The following EARS2 variants were observed in gnomAD, a reference collection of about 807,000 sequenced individuals.
The protein encoded by EARS2 is glutamyl-tRNA synthetase 2, mitochondrial.
EARS2 carries 50 observed loss-of-function variants against 54.1 expected under a neutral mutation model. The observed-to-expected ratio is 0.92, with a 90% confidence interval of 0.74 to 1.17. The LOEUF (loss-of-function observed/expected upper bound fraction) is 1.17, where lower values mean the gene tolerates loss of function less well. Ranked by LOEUF, EARS2 falls within the 50% of genes most tolerant of loss-of-function variation. The pLI is 0.00. For synonymous variants in EARS2, 298 were observed against 281.0 expected, an observed-to-expected ratio of 1.06 and a Z score of -0.61; for missense variants, 673 against 675.0, an observed-to-expected ratio of 1.00 and a Z score of 0.03.
chr16:23,547,820 G>A (rs1965628952), intron 2 of EARS2, among the ~76,000 whole-genome samples: 1 of 152,092 alleles, frequency 6.6e-6, no homozygotes, highest in Non-Finnish European at 1.5e-5. Flanking sequence ...TAAAAGGCTG[G>A]GCATGCTGGG....
rs113081837 is a variant in EARS2, at chr16:23,551,868, C to A, written c.295+281G>T. ...CCGGAAGGCGGAGCTTGCAGTGAGC[C>A]GAGATCGCACCACTGCACTCCAGCC... On this transcript the variant is annotated intron_variant, in intron 2 of 8. Transcript: ENST00000449606. Among the ~76,000 whole-genome samples the A allele has an allele frequency of 0.015, 2,234 of 152,174 alleles. 23 individuals carry two copies. Among genetic ancestry groups the A allele is most frequent in the South Asian group, 0.02 (94 of 4,816 alleles).
chr16:23,535,109 C>A lies in EARS2; in HGVS notation c.737G>T (p.Arg246Leu). 1 of 1,610,748 alleles carries A rather than the reference C, an allele frequency of 6.2e-7. No homozygotes were observed. The highest frequency in any genetic ancestry group is 8.5e-7 in the Non-Finnish European group (1 of 1,178,866). Reference sequence around the variant, plus strand: ...AGTGGAGACGAGCCACTCAGAGCCTCGCAGCACGTGGCTGATGCCCATGTG... The same window carrying A: ...AGTGGAGACGAGCCACTCAGAGCCTAGCAGCACGTGGCTGATGCCCATGTG... ...DHHMGISHVL[R>L]GSEWLVSTAK... Residue 246 changes from arginine (R) to leucine (L), a missense_variant, in exon 4 of 9, where the codon CGA (arginine) becomes CTA (leucine). Coordinates refer to ENST00000449606, the MANE Select transcript of EARS2 (RefSeq NM_001083614.2).
At chr16:23,529,673 C>T (rs368842725) in intron 6 of EARS2, 41 bp from the exon 7 acceptor site, 244 of 1,612,938 alleles carry the variant, frequency 1.5e-4, no homozygotes, top group Non-Finnish European at 2.0e-4. Flanking sequence ...AGGGACAGGG[C>T]TCTGGAAGGC....
chr16:23,521,651 T>C lies in EARS2; in HGVS notation c.*2720A>G. 1 of 441,836 alleles carries C rather than the reference T, an allele frequency of 2.3e-6. No homozygotes were observed. Among genetic ancestry groups the C allele is most frequent in the East Asian group, 7.0e-5 (1 of 14,288 alleles). 27.4% of individuals were successfully genotyped at this position (441,836 alleles called of 1,614,324 possible). A position where few individuals can be genotyped will look rare whatever the true frequency, so the allele number is the denominator to read the frequency against. ...CTGGCCTTTGACAAGCCTACCACCT[T>C]TGCCTCACAAAGCATTAGGACGTAT... On this transcript the variant is annotated 3_prime_UTR_variant, in exon 9 of 9. Transcript: ENST00000449606.
intron 5 of EARS2, 166 bp from the exon 6 acceptor site, chr16:23,530,063 G>A (rs1965299135): frequency 1.2e-6 from 1 of 852,062 alleles, no homozygotes; most frequent in African/African-American, 1.7e-5. Flanking sequence ...AGAAAGGGAT[G>A]TGACTAAGGT....
At chr16:23,540,412 T>C (rs1195796314) in intron 3 of EARS2, among the ~76,000 whole-genome samples, 1 of 152,244 alleles carries the variant, frequency 6.6e-6, no homozygotes, top group Non-Finnish European at 1.5e-5. Context: ...AGCTGAGCCC[T>C]TGACCAAATA....
chr16:23,551,097 A>G lies in EARS2; in HGVS notation c.295+1052T>C, dbSNP rs576033295. On this transcript the variant is annotated intron_variant, in intron 2 of 8. Transcript: ENST00000449606. ...TTTAATAATGGTTAAGTATTCATCC[A>G]GAAAAACTGGATTTCTGGCTCCTCT... is the stretch of plus-strand genomic sequence containing the variant. 3.9e-5 allele frequency among the ~76,000 whole-genome samples: 6 copies of G among 152,368 alleles called. 1 individual carries two copies. In the South Asian group the frequency reaches 1.2e-3, roughly 32 times the overall value.
At position 23,544,604 on chromosome 16, in the gene EARS2, A is replaced by G. The variant is rs1341181495; in HGVS notation, c.395T>C (p.Leu132Pro). 2 of 1,613,798 alleles carry G rather than the reference A, an allele frequency of 1.2e-6. No individual in the cohort carries two copies. Among genetic ancestry groups the G allele is most frequent in the South Asian group, 1.1e-5 (1 of 90,974 alleles). The change falls in exon 3 of 9, where the codon CTG (leucine) becomes CCG (proline). Residue 132 changes from leucine (L) to proline (P), a missense_variant. By Grantham distance (98) the Leu-to-Pro change is moderately conservative. Transcript: ENST00000449606. ...ACAGGGGTAAGCAGCTCCGGTCTTCAGCAGCGCTTCTGTGGCCTGGGCATA... is the reference window on the plus strand; with the variant it reads ...ACAGGGGTAAGCAGCTCCGGTCTTCGGCAGCGCTTCTGTGGCCTGGGCATA... ...ELYAQATEAL[L>P]KTGAAYPCFC... is the part of the protein sequence containing the mutation.
intron 7 of EARS2, among the ~76,000 whole-genome samples, chr16:23,526,655 GAAGAA>G (rs1290605024): frequency 6.6e-6 from 1 of 152,164 alleles, no homozygotes; most frequent in Non-Finnish European, 1.5e-5. Flanking sequence ...GCCAAGAAGA[GAAGAA>G]ATCAGAAGAC....
chr16:23,542,499 A>G (rs1965532310), intron 3 of EARS2, among the ~76,000 whole-genome samples: 1 of 151,176 alleles, frequency 6.6e-6, no homozygotes, highest in Non-Finnish European at 1.5e-5. Context: ...TATTTTTAGC[A>G]GAGACGGGGT....
chr16:23,535,608 C>T (rs1965404734), intron 3 of EARS2, among the ~76,000 whole-genome samples: 1 of 152,164 alleles, frequency 6.6e-6, no homozygotes, highest in Admixed American at 6.6e-5. Context: ...TAGCAAAATG[C>T]TTAGTCCGAG....
At chr16:23,541,698 T>TC (rs55991445) in intron 3 of EARS2, among the ~76,000 whole-genome samples, 105,307 of 141,834 alleles carry the variant, frequency 0.74, 38,277 homozygotes, top group Non-Finnish European at 0.8. Flanking sequence ...TTGTGGATCT[T>TC]CTTTTTTTTT....
chr16:23,544,479 T>G, intron 3 of EARS2, 35 bp downstream of exon 3: 1 of 1,598,020 alleles, frequency 6.3e-7, no homozygotes, highest in Non-Finnish European at 8.5e-7. Context: ...ACACCCAATG[T>G]TGATGAGGCA....
intron 1 of EARS2, among the ~76,000 whole-genome samples, chr16:23,555,148 C>T (rs1222529696): frequency 6.6e-6 from 1 of 152,144 alleles, no homozygotes; most frequent in African/African-American, 2.4e-5. Flanking sequence ...TTATTAGCCC[C>T]GTTTTGACAA....
At chr16:23,529,233 T>G (rs1299677046) in intron 7 of EARS2, among the ~76,000 whole-genome samples, 1 of 152,116 alleles carries the variant, frequency 6.6e-6, no homozygotes. Context: ...TGAAGCCGCC[T>G]GAGCAAGGTG....
chr16:23,556,992 G>A (rs1014717740), intron 1 of EARS2: 19 of 754,790 alleles, frequency 2.5e-5, no homozygotes, highest in Non-Finnish European at 4.3e-5. Flanking sequence ...GAAAGAGATG[G>A]GATGGCACAA....
intron 5 of EARS2, among the ~76,000 whole-genome samples, chr16:23,532,081 A>G (rs1159719729): frequency 6.6e-6 from 1 of 152,188 alleles, no homozygotes; most frequent in East Asian, 1.9e-4. Flanking sequence ...TCAAAGTGCT[A>G]GAATTAAAGG....
chr16:23,538,616 G>A (rs1965463220), intron 3 of EARS2, among the ~76,000 whole-genome samples: 1 of 152,180 alleles, frequency 6.6e-6, no homozygotes. Flanking sequence ...CAGCATTTCG[G>A]GAGGACAAGG....
rs774269217 is a variant in EARS2 at position 23,525,323 on chromosome 16, T to G, written c.1409A>C (p.Lys470Thr). ...GCCTTCCAGACCTTCTGATAGCTTC[T>G]TCAGTTCTCCATTCAGCATATCCTG... ...LTQDMLNGEL[K>T]KLSEGLEGTK... Residue 470 changes from lysine to threonine, a missense_variant, in exon 8 of 9, where the codon AAG becomes ACG. Lys to Thr is a moderately conservative substitution (Grantham distance 78, BLOSUM62 -1). Coordinates refer to ENST00000449606, the MANE Select transcript of EARS2 (RefSeq NM_001083614.2). 4.3e-5 allele frequency: 70 copies of G among 1,614,028 alleles called. No homozygotes were observed. Among genetic ancestry groups the G allele is most frequent in the Non-Finnish European group, 5.7e-5 (67 of 1,180,024 alleles).
Sources: allele counts gnomAD v4.1 joint callset (sites outside exome capture counted in the v4.1 genomes callset), GRCh38; gene constraint gnomAD v4.1.1; transcripts MANE v1.5; gene names NCBI Gene and HGNC (gene_info 2026-07-23, HGNC 2026-07-21).